TRMT1L: variants seen among roughly 807,000 people sequenced by gnomAD.
TRMT1L encodes tRNA (guanine(27)-N(2))-dimethyltransferase.
A neutral mutation model predicts 81.6 loss-of-function variants in TRMT1L; 28 were observed. The ratio of observed to expected loss-of-function variants is 0.34; its 90% CI spans 0.25 to 0.47. The LOEUF (loss-of-function observed/expected upper bound fraction) is 0.47. Among genes scored for constraint, TRMT1L ranks in the 20% least tolerant of loss-of-function variants. TRMT1L has a pLI of 1.00. For synonymous variants in TRMT1L, 301 were observed against 303.2 expected, an observed-to-expected ratio of 0.99 and a Z score of 0.07; for missense variants, 739 against 877.1, an observed-to-expected ratio of 0.84 and a Z score of 1.99.
chr1:185,144,227 G>A lies in TRMT1L; in HGVS notation c.656-198C>T, dbSNP rs541651897. On this transcript the variant is annotated intron_variant, in intron 5 of 14. Coordinates refer to ENST00000367506, the MANE Select transcript of TRMT1L (RefSeq NM_030934.5). Reference sequence around the variant, plus strand: ...CAAAACCAAAGAACTGATTTATTCAGCACTCTCTACAAAAGAGTAACACTC... The same window carrying A: ...CAAAACCAAAGAACTGATTTATTCAACACTCTCTACAAAAGAGTAACACTC... Among the ~76,000 whole-genome samples the A allele has an allele frequency of 1.2e-4, 19 of 152,052 alleles. No individual in the cohort carries two copies. In the South Asian group the frequency reaches 3.7e-3, roughly 30 times the overall value.
rs1331971010 is a variant in TRMT1L at position 185,145,563 on chromosome 1, G to A, written c.531C>T (p.Thr177=). The A allele has an allele frequency of 2.5e-6, 4 of 1,610,432 alleles. No individual in the cohort carries two copies. Residue 177 remains threonine, a synonymous_variant, in exon 5 of 15, where the codon ACC becomes ACT. Transcript: ENST00000367506. ...VKPNIIGEQI[T]SKMGAHYHCI... is the part of the protein sequence containing the mutation. ...AATGATAATGGGCTCCCATTTTACT[G>A]GTTATCTATCAAACAGAGTATTTAA...
chr1:185,121,682 G>A (rs944101417), intron 13 of TRMT1L, among the ~76,000 whole-genome samples: 3 of 151,978 alleles, frequency 2.0e-5, no homozygotes, highest in African/African-American at 7.2e-5. Context: ...CAAGTTCTAG[G>A]AGCATCTGAG....
At chr1:185,139,647 T>C in intron 8 of TRMT1L, 68 bp from the exon 9 acceptor site, 1 of 1,053,390 alleles carries the variant, frequency 9.5e-7, no homozygotes. Context: ...ACTGTAATTA[T>C]TTCTAATTAT....
At chr1:185,125,852 T>C (rs1652612487) in intron 11 of TRMT1L, among the ~76,000 whole-genome samples, 1 of 152,098 alleles carries the variant, frequency 6.6e-6, no homozygotes, top group Non-Finnish European at 1.5e-5. Flanking sequence ...GTTTTCACAA[T>C]GCACATTCTA....
Position 185,125,071 on chromosome 1 carries a change from C to G in TRMT1L, c.1632G>C (p.Met544Ile), listed in dbSNP as rs1652589451. The G allele has an allele frequency of 6.8e-6, 11 of 1,611,828 alleles. No homozygotes were observed. The highest frequency in any genetic ancestry group is 7.6e-6 in the Non-Finnish European group (9 of 1,178,702). Residue 544 changes from methionine to isoleucine, a missense_variant, in exon 12 of 15, where the codon ATG becomes ATC. By Grantham distance (10) the Met-to-Ile change is conservative. Transcript: ENST00000367506. ...SLFNTGFLKR[M>I]LFESLHHGLD... ...AACCATGGTGAAGAGATTCAAATAG[C>G]ATTCTTTTGAGGAATCCAGTATTGA...
Position 185,120,194 on chromosome 1 carries a change from C to G in TRMT1L, c.2027G>C (p.Arg676Pro). 6.2e-7 allele frequency: 1 copy of G among 1,612,930 alleles called. No homozygotes were observed. The highest frequency in any genetic ancestry group is 2.2e-5 in the East Asian group (1 of 44,886). ...AAACTGCATCAGAGGTGCATCTGTG[C>G]GTACACCCATTGGGTCAAAATGAGT... is the stretch of plus-strand genomic sequence containing the variant. ...SRTHFDPMGV[R>P]TDAPLMQFKS... Residue 676 changes from arginine (R) to proline (P), a missense_variant, in exon 15 of 15, where the codon CGC becomes CCC. Physicochemically the swap from Arg to Pro is moderately radical, Grantham distance 103 (BLOSUM62 -2). Transcript: ENST00000367506.
At position 185,137,782 on chromosome 1, in the gene TRMT1L, C is replaced by T. The variant is rs774291927; in HGVS notation, c.1337G>A (p.Cys446Tyr). The T allele has an allele frequency of 1.3e-5, 21 of 1,612,870 alleles. No homozygotes were observed. Among genetic ancestry groups the T allele is most frequent in the South Asian group, 3.3e-5 (3 of 90,806 alleles). ...AAACAGTACTTCTATGCCTTTGTTGCATCGGGCTGCAGCTCTACAATAAAT... is the reference window on the plus strand; with the variant it reads ...AAACAGTACTTCTATGCCTTTGTTGTATCGGGCTGCAGCTCTACAATAAAT... ...VAAVARAAARCNKGIEVLFAV... is the reference protein window; with the variant it reads ...VAAVARAAARYNKGIEVLFAV... Residue 446 changes from cysteine to tyrosine, a missense_variant, in exon 10 of 15, where the codon TGC (cysteine) becomes TAC (tyrosine). Physicochemically the swap from Cys to Tyr is radical, Grantham distance 194. Coordinates refer to ENST00000367506, the MANE Select transcript of TRMT1L (RefSeq NM_030934.5).
In TRMT1L at chr1:185,137,648, AC is replaced by A. The variant is rs780093580; in HGVS notation, c.1470del (p.Trp490CysfsTer14). On this transcript the variant is annotated frameshift_variant, in exon 10 of 15. Transcript: ENST00000367506. LOFTEE classifies it high-confidence loss of function. ...TCCTTCTGAAAAATTCTCTCTTCAC[AC>A]CACTGACAATGGATCAGGTATTGAA... ...KKIQYLIHCQ[W>X]CEERIFQKDG... 1 of 1,613,962 alleles carries A rather than the reference AC, an allele frequency of 6.2e-7. No homozygotes were observed.
intron 10 of TRMT1L, 181 bp downstream of exon 10, chr1:185,137,425 A>G (rs1652927073): frequency 1.4e-6 from 1 of 718,382 alleles, no homozygotes; most frequent in African/African-American, 1.7e-5. Flanking sequence ...ATGAGTAAAT[A>G]ACTTTAATAA....
At chr1:185,153,287 C>T (rs1653411117) in intron 1 of TRMT1L, among the ~76,000 whole-genome samples, 1 of 151,932 alleles carries the variant, frequency 6.6e-6, no homozygotes, top group African/African-American at 2.4e-5. Flanking sequence ...CATTCCCTAC[C>T]TGTTGCTGAA....
chr1:185,135,996 T>C (rs914661819), intron 10 of TRMT1L, among the ~76,000 whole-genome samples: 5 of 152,312 alleles, frequency 3.3e-5, no homozygotes, highest in Admixed American at 2.6e-4. Context: ...CCACAGATGC[T>C]GAAAATGCAT....
chr1:185,155,495 T>C (rs921625259), intron 1 of TRMT1L, among the ~76,000 whole-genome samples: 3 of 152,374 alleles, frequency 2.0e-5, no homozygotes, highest in South Asian at 2.1e-4. Context: ...ACAATTTGTA[T>C]GTTGTTTCAA....
At position 185,139,509 on chromosome 1, in the gene TRMT1L, T is replaced by G. The variant is rs1652982535; in HGVS notation, c.1180A>C (p.Ile394Leu). ...SAFRNIRNLG[I>L]VSVTSTDISS... is the part of the protein sequence containing the mutation. ...ATATCTGTAGAAGTCACTGACACTA[T>G]GCCAAGGTTTCTTATATTTCTGAAT... The change falls in exon 9 of 15, where the codon ATA (isoleucine) becomes CTA (leucine). Residue 394 changes from isoleucine (I) to leucine (L), a missense_variant. Transcript: ENST00000367506. 1 of 1,614,126 alleles carries G rather than the reference T, an allele frequency of 6.2e-7. No individual in the cohort carries two copies. The highest frequency in any genetic ancestry group is 2.2e-5 in the East Asian group (1 of 44,882).
intron 11 of TRMT1L, 147 bp from the exon 12 acceptor site, chr1:185,125,257 T>G: frequency 1.9e-6 from 1 of 516,608 alleles, no homozygotes; most frequent in Non-Finnish European, 3.1e-6. Flanking sequence ...ATGATTTAAT[T>G]TAAAACTGTT....
chr1:185,122,034 G>A (rs1047966146), intron 13 of TRMT1L, among the ~76,000 whole-genome samples: 1 of 152,040 alleles, frequency 6.6e-6, no homozygotes, highest in African/African-American at 2.4e-5. Context: ...GTTAGAACAT[G>A]GGGCTTTGGT....
intron 3 of TRMT1L, among the ~76,000 whole-genome samples, chr1:185,147,959 G>T (rs1653233590): frequency 6.6e-6 from 1 of 152,012 alleles, no homozygotes; most frequent in Non-Finnish European, 1.5e-5. Flanking sequence ...TCTTACATTA[G>T]GTCTCTTTAC....
intron 7 of TRMT1L, among the ~76,000 whole-genome samples, chr1:185,142,571 G>A (rs1277138037): frequency 6.6e-6 from 1 of 151,572 alleles, no homozygotes. Context: ...CTAAAGGCTA[G>A]GCAATGATCA....
chr1:185,133,767 T>C (rs958199538), intron 10 of TRMT1L, among the ~76,000 whole-genome samples: 1 of 152,080 alleles, frequency 6.6e-6, no homozygotes, highest in Non-Finnish European at 1.5e-5. Flanking sequence ...AACACCTTGA[T>C]CTGTGGCCTT....
chr1:185,155,137 CT>C (rs550260778), intron 1 of TRMT1L, among the ~76,000 whole-genome samples: 6 of 152,220 alleles, frequency 3.9e-5, no homozygotes, highest in African/African-American at 1.2e-4. Context: ...TATAGTATAC[CT>C]TCTTCAAATT....
Sources: gnomAD v4.1 joint callset for allele counts (sites outside exome capture counted in the v4.1 genomes callset) on GRCh38, gnomAD v4.1.1 for gene constraint, MANE v1.5 for transcripts, NCBI Gene and HGNC (gene_info 2026-07-23, HGNC 2026-07-21) for gene names.